ELMOD2: variants seen among roughly 807,000 people sequenced by gnomAD.
The protein encoded by ELMOD2 is ELMO domain-containing protein 2.
A neutral mutation model predicts 41.0 loss-of-function variants in ELMOD2; 28 were observed. The observed-to-expected ratio is 0.68, with a 90% CI of 0.51 to 0.94. The LOEUF (loss-of-function observed/expected upper bound fraction) is 0.94, where lower values mean the gene tolerates loss of function less well. Ranked by LOEUF, ELMOD2 falls within the 40% of genes least tolerant of loss-of-function variation. The probability of loss-of-function intolerance (pLI) is 0.00; values close to 1 mark genes in which losing one functional copy is unlikely to be tolerated. For missense variants in ELMOD2, 333 were observed against 343.1 expected (o/e 0.97, Z 0.23); for synonymous variants, 106 against 107.2 (o/e 0.99, Z 0.07).
At chr4:140,524,773 TTTC>T (rs1734502065) in intron 1 of ELMOD2, 1 of 386,588 alleles carries the variant, frequency 2.6e-6, no homozygotes, top group Non-Finnish European at 3.5e-6. Context: ...GCTGAAGAAT[TTTC>T]TTATGGCATA....
At chr4:140,532,618 G>T (rs1269851301) in intron 3 of ELMOD2, among the ~76,000 whole-genome samples, 1 of 152,182 alleles carries the variant, frequency 6.6e-6, no homozygotes, top group Non-Finnish European at 1.5e-5. Context: ...AGGCATAGAA[G>T]GAACTTTCTC....
chr4:140,551,226 ATATAAAAGACAAAAAGAT>A lies in ELMOD2; in HGVS notation c.*863_*880del, dbSNP rs538539116. On this transcript the variant is annotated 3_prime_UTR_variant, in exon 9 of 9. Coordinates refer to ENST00000323570, the MANE Select transcript of ELMOD2 (RefSeq NM_153702.4). ...TGTATTTGCCAAGAAAATCTTGATTATATAAAAGACAAAAAGATTATAAAAGACAGTTTCTGTTTAAGT... is the reference window on the plus strand; with the variant it reads ...TGTATTTGCCAAGAAAATCTTGATTATATAAAAGACAGTTTCTGTTTAAGT... 2 of 152,226 alleles carry A rather than the reference ATATAAAAGACAAAAAGAT, an allele frequency of 1.3e-5. No homozygotes were observed. Among genetic ancestry groups the A allele is most frequent in the South Asian group, 4.1e-4 (2 of 4,830 alleles). The allele number at this position is 152,226 out of a possible 1,614,324, so 9.4% of individuals were successfully genotyped here.
rs1222985483 is a variant in ELMOD2, at chr4:140,553,291, A to G, written c.*2916A>G. 1 of 152,152 alleles carries G rather than the reference A, an allele frequency of 6.6e-6. No individual in the cohort carries two copies. The highest frequency in any genetic ancestry group is 2.4e-5 in the African/African-American group (1 of 41,466). The allele number at this position is 152,152 out of a possible 1,614,324, so 9.4% of individuals were successfully genotyped here. On this transcript the variant is annotated 3_prime_UTR_variant, in exon 9 of 9. Coordinates refer to ENST00000323570, the MANE Select transcript of ELMOD2 (RefSeq NM_153702.4). ...GATAGGAGGTTTGACTTGGTGGGCC[A>G]TAATGTTTATTATCCTTTTTGAAAT... is the stretch of plus-strand genomic sequence containing the variant.
intron 6 of ELMOD2, 199 bp from the exon 7 acceptor site, chr4:140,542,375 C>A: frequency 2.6e-6 from 1 of 389,480 alleles, no homozygotes; most frequent in Non-Finnish European, 4.6e-6. Context: ...GACCTATATT[C>A]TGTACTACAT....
At chr4:140,549,357 ATG>A (rs1553962939) in intron 8 of ELMOD2, among the ~76,000 whole-genome samples, 3 of 150,232 alleles carry the variant, frequency 2.0e-5, no homozygotes, top group South Asian at 4.2e-4. Context: ...GTTTACATAT[ATG>A]TGTGTGTGTG....
At chr4:140,535,263 C>T (rs1734882795) in intron 3 of ELMOD2, among the ~76,000 whole-genome samples, 3 of 151,646 alleles carry the variant, frequency 2.0e-5, no homozygotes, top group African/African-American at 7.3e-5. Context: ...AACTGTTCTT[C>T]AGTATGCACA....
intron 3 of ELMOD2, among the ~76,000 whole-genome samples, chr4:140,529,473 A>G (rs1057270771): frequency 3.9e-5 from 6 of 152,182 alleles, no homozygotes; most frequent in African/African-American, 1.4e-4. Flanking sequence ...CAATTTTTTC[A>G]GTAGTGTGTT....
intron 5 of ELMOD2, among the ~76,000 whole-genome samples, chr4:140,538,697 G>T (rs553274305): frequency 3.3e-5 from 5 of 152,018 alleles, no homozygotes; most frequent in Non-Finnish European, 4.4e-5. Context: ...GCTTCATGGT[G>T]AAATTCAGTT....
chr4:140,527,929 T>TA (rs2110820130), intron 3 of ELMOD2: 1 of 154,716 alleles, frequency 6.5e-6, no homozygotes, highest in African/African-American at 2.4e-5. Context: ...CAAACTATAA[T>TA]AAAATCTCAG....
At chr4:140,542,294 T>G in intron 6 of ELMOD2, 3 of 216,820 alleles carry the variant, frequency 1.4e-5, no homozygotes, top group Non-Finnish European at 1.8e-5. Context: ...AGAACTTTGG[T>G]TGTTTTTTTT....
At chr4:140,542,526 C>CG in intron 6 of ELMOD2, 48 bp from the exon 7 acceptor site, 2 of 1,404,862 alleles carry the variant, frequency 1.4e-6, no homozygotes, top group Non-Finnish European at 9.9e-7. Flanking sequence ...GGATATCTTA[C>CG]ATTTGAATGG....
chr4:140,524,301 T>A (rs1349201960), intron 1 of ELMOD2, 21 bp downstream of exon 1: 1 of 152,148 alleles, frequency 6.6e-6, no homozygotes, highest in Non-Finnish European at 1.5e-5. Flanking sequence ...TTTCTTTTCC[T>A]CTTGCCCCGG....
chr4:140,547,821 T>G (rs968870745), intron 8 of ELMOD2, among the ~76,000 whole-genome samples: 2 of 152,146 alleles, frequency 1.3e-5, no homozygotes, highest in African/African-American at 4.8e-5. Context: ...ATATGGTAAT[T>G]TCTACAGAGT....
intron 3 of ELMOD2, among the ~76,000 whole-genome samples, chr4:140,533,973 A>G (rs1446493886): frequency 1.3e-5 from 2 of 152,192 alleles, no homozygotes; most frequent in Non-Finnish European, 2.9e-5. Flanking sequence ...CTAATGTTGG[A>G]AACACCAGTT....
At chr4:140,547,697 C>G (rs1735336331) in intron 8 of ELMOD2, among the ~76,000 whole-genome samples, 1 of 152,076 alleles carries the variant, frequency 6.6e-6, no homozygotes, top group Non-Finnish European at 1.5e-5. Flanking sequence ...ACTTTTAGAA[C>G]ATTTTCATCA....
chr4:140,529,954 G>A (rs890551335), intron 3 of ELMOD2, among the ~76,000 whole-genome samples: 6 of 151,726 alleles, frequency 4.0e-5, no homozygotes, highest in African/African-American at 1.5e-4. Context: ...TTGTTGTTTT[G>A]TTCACTGATG....
chr4:140,540,735 C>T (rs1193526542), intron 6 of ELMOD2, among the ~76,000 whole-genome samples: 1 of 90,094 alleles, frequency 1.1e-5, no homozygotes, highest in Non-Finnish European at 2.5e-5. Context: ...AGAGCAAGAC[C>T]CTGTCTTTAA....
chr4:140,550,472 AT>A lies in ELMOD2; in HGVS notation c.*98del, dbSNP rs1735439844. ...TATCTGATCAATTACACTCTTATAT[AT>A]AATTTCCTACAAAAATATTTCAGAA... On this transcript the variant is annotated 3_prime_UTR_variant, in exon 9 of 9. Transcript: ENST00000323570. 1.7e-6 allele frequency: 2 copies of A among 1,198,644 alleles called. No individual in the cohort carries two copies. Among genetic ancestry groups the A allele is most frequent in the African/African-American group, 1.6e-5 (1 of 63,518 alleles). The allele number at this position is 1,198,644 out of a possible 1,614,324, so 74.3% of individuals were successfully genotyped here.
chr4:140,542,493 C>T, intron 6 of ELMOD2, 81 bp from the exon 7 acceptor site: 1 of 1,003,106 alleles, frequency 1.0e-6, no homozygotes, highest in South Asian at 1.5e-5. Flanking sequence ...ATGATTTTGA[C>T]AGTAGCTTTT....
Sources: allele counts gnomAD v4.1 joint callset (sites outside exome capture counted in the v4.1 genomes callset), GRCh38; gene constraint gnomAD v4.1.1; transcripts MANE v1.5; gene names NCBI Gene and HGNC (gene_info 2026-07-23, HGNC 2026-07-21).